The following TRERF1 variants were observed in gnomAD, a reference collection of about 807,000 sequenced individuals.
TRERF1 encodes the protein transcriptional regulating factor 1, also known as transcriptional-regulating factor 1.
Under a neutral mutation model 122.9 loss-of-function variants are expected in TRERF1, and 27 were observed. The ratio of observed to expected loss-of-function variants is 0.22; its 90% CI spans 0.16 to 0.30. The LOEUF is 0.30. TRERF1 is among the 10% of genes least tolerant of loss of function. TRERF1 has a pLI of 1.00. For missense variants in TRERF1, 1,248 were observed against 1,560.3 expected, an observed-to-expected ratio of 0.80 and a Z score of 3.37; for synonymous variants, 636 against 641.7, an observed-to-expected ratio of 0.99 and a Z score of 0.13.
intron 3 of TRERF1, among the ~76,000 whole-genome samples, chr6:42,346,616 T>C (rs1768342233): frequency 6.6e-6 from 1 of 152,000 alleles, no homozygotes; most frequent in South Asian, 2.1e-4. Flanking sequence ...GTCAAGGACA[T>C]TGCAAAGGGA....
rs1299650929 is a variant in TRERF1 at position 42,269,183 on chromosome 6, G to C, written c.408C>G (p.Thr136=). ...AGTCCAGCTTGTGTAAGACACCGCT[G>C]GTAAGCTTCTGGGTCCGGATCTCGC... Residue 136 remains threonine, a synonymous_variant, in exon 5 of 18, where the codon ACC becomes ACG. Coordinates refer to ENST00000372922, the Ensembl canonical transcript of TRERF1. The surrounding 1 kb of genome is among the most constrained non-coding windows in gnomAD (Gnocchi z 4.9). 6.2e-7 allele frequency: 1 copy of C among 1,614,226 alleles called. No homozygotes were observed. The highest frequency in any genetic ancestry group is 8.5e-7 in the Non-Finnish European group (1 of 1,180,046).
intron 2 of TRERF1, among the ~76,000 whole-genome samples, chr6:42,377,388 C>T (rs1342841668): frequency 6.6e-6 from 1 of 152,124 alleles, no homozygotes; most frequent in Non-Finnish European, 1.5e-5. Context: ...TTGCCCATTC[C>T]GGACATTTCC....
At position 42,263,295 on chromosome 6, in the gene TRERF1, GT is replaced by G; in HGVS notation, c.1884+24del. 6.3e-7 allele frequency: 1 copy of G among 1,599,774 alleles called. No individual in the cohort carries two copies. The highest frequency in any genetic ancestry group is 8.5e-7 in the Non-Finnish European group (1 of 1,172,308). Reference sequence around the variant, plus strand: ...CGGGGGGCAGCCCCTTGGGGTGAGTGTGGGGGAGAGAGGGTCATCCTCACGA... The same window carrying G: ...CGGGGGGCAGCCCCTTGGGGTGAGTGGGGGGAGAGAGGGTCATCCTCACGA... On this transcript the variant is annotated intron_variant, in intron 8 of 17. Coordinates refer to ENST00000372922, the Ensembl canonical transcript of TRERF1. This position sits in a 1 kb window ranked among gnomAD's most constrained non-coding sequence, Gnocchi z 5.6.
At chr6:42,378,256 A>G (rs1388956083) in intron 2 of TRERF1, among the ~76,000 whole-genome samples, 1 of 152,110 alleles carries the variant, frequency 6.6e-6, no homozygotes, top group Non-Finnish European at 1.5e-5. Flanking sequence ...GCCTCCCCAA[A>G]ACAGCCAGAC....
At chr6:42,437,630 G>A (rs2151741161) in intron 2 of TRERF1, among the ~76,000 whole-genome samples, 1 of 152,252 alleles carries the variant, frequency 6.6e-6, no homozygotes, top group Middle Eastern at 3.4e-3. Context: ...GGAAACTCAA[G>A]TCATGCTGTC....
At position 42,399,684 on chromosome 6, in the gene TRERF1, T is replaced by G. The variant is rs150111029; in HGVS notation, c.-453-36605A>C. The stretch of plus-strand genomic sequence containing the variant: ...AGTCTGTTCCAGGCCTAATGCTGAT[T>G]TGAAGTAACCAGAACTTGACCATGG... On this transcript the variant is annotated intron_variant, in intron 2 of 17. Coordinates refer to ENST00000372922, the Ensembl canonical transcript of TRERF1. Among the ~76,000 whole-genome samples the G allele has an allele frequency of 7.7e-3, 1,170 of 152,250 alleles. 7 individuals carry two copies. Among genetic ancestry groups the G allele is most frequent in the Middle Eastern group, 0.02 (6 of 294 alleles).
intron 2 of TRERF1, among the ~76,000 whole-genome samples, chr6:42,388,000 G>T (rs971419255): frequency 1.3e-5 from 2 of 152,008 alleles, no homozygotes; most frequent in African/African-American, 4.8e-5. Flanking sequence ...TAAAGACAGG[G>T]TCTCACTTTG....
At chr6:42,230,385 T>C (rs113645281) in intron 17 of TRERF1, among the ~76,000 whole-genome samples, 1,999 of 152,196 alleles carry the variant, frequency 0.013, 51 homozygotes, top group African/African-American at 0.045. Context: ...TAATAGATGC[T>C]ACTGAGACAT....
chr6:42,445,863 C>A (rs1038285150), intron 2 of TRERF1, among the ~76,000 whole-genome samples: 1 of 152,142 alleles, frequency 6.6e-6, no homozygotes, highest in African/African-American at 2.4e-5. Flanking sequence ...CTTCTTAAAA[C>A]GTGAATTAGG....
chr6:42,449,781 C>G (rs1406211259), intron 2 of TRERF1, among the ~76,000 whole-genome samples: 1 of 152,158 alleles, frequency 6.6e-6, no homozygotes, highest in Admixed American at 6.5e-5. Context: ...AAATATCAAC[C>G]CTCAATCTGG....
chr6:42,313,421 A>ATC (rs755692024), intron 3 of TRERF1, among the ~76,000 whole-genome samples: 10 of 151,980 alleles, frequency 6.6e-5, no homozygotes, highest in Middle Eastern at 3.4e-3. Context: ...GCTAAGCCTC[A>ATC]TCTCTCTCTC....
At chr6:42,444,970 C>T (rs934807949) in intron 2 of TRERF1, among the ~76,000 whole-genome samples, 17 of 152,138 alleles carry the variant, frequency 1.1e-4, no homozygotes, top group African/African-American at 3.6e-4. Flanking sequence ...CAGACAGATT[C>T]CATTTTGCCA....
chr6:42,232,532 C>CA lies in TRERF1; in HGVS notation c.3278+148dup. The stretch of plus-strand genomic sequence containing the variant: ...ATATTCTGAGTCTGCAACAGGACTA[C>CA]ATACCCATCCCAAAGATGACACGAA... On this transcript the variant is annotated intron_variant, in intron 17 of 17. Coordinates refer to ENST00000372922, the Ensembl canonical transcript of TRERF1. This position sits in a 1 kb window ranked among gnomAD's most constrained non-coding sequence, Gnocchi z 4.5. 9.9e-7 allele frequency: 1 copy of CA among 1,010,402 alleles called. No individual in the cohort carries two copies. Among genetic ancestry groups the CA allele is most frequent in the East Asian group, 2.7e-5 (1 of 37,428 alleles). The allele number at this position is 1,010,402 out of a possible 1,614,324, so 62.6% of individuals were successfully genotyped here. A position where few individuals can be genotyped will look rare whatever the true frequency, so the allele number is the denominator to read the frequency against.
intron 4 of TRERF1, 28 bp downstream of exon 4, chr6:42,300,610 C>T (rs1269536736): frequency 1.3e-5 from 2 of 152,632 alleles, no homozygotes; most frequent in Non-Finnish European, 2.9e-5. Context: ...AATTCCTCAG[C>T]CTTCCAGAAG....
intron 3 of TRERF1, among the ~76,000 whole-genome samples, chr6:42,320,060 C>T (rs1272157854): frequency 6.6e-6 from 1 of 151,814 alleles, no homozygotes; most frequent in Non-Finnish European, 1.5e-5. Context: ...CATCACTATG[C>T]CCAGCTAATT....
intron 3 of TRERF1, among the ~76,000 whole-genome samples, chr6:42,330,677 T>C (rs1357301489): frequency 6.6e-6 from 1 of 152,200 alleles, no homozygotes; most frequent in African/African-American, 2.4e-5. Flanking sequence ...TTGTATTTTT[T>C]ATTTTTTTGA....
chr6:42,278,567 T>C (rs560286021), intron 4 of TRERF1, among the ~76,000 whole-genome samples: 32 of 152,246 alleles, frequency 2.1e-4, no homozygotes, highest in African/African-American at 7.7e-4. Flanking sequence ...GAGTGGGGCA[T>C]GCCAGGGATG....
intron 16 of TRERF1, among the ~76,000 whole-genome samples, chr6:42,235,633 C>CT (rs926667518): frequency 6.6e-6 from 1 of 152,024 alleles, no homozygotes. Flanking sequence ...TTTAGTAAAT[C>CT]TTTTTTTTCT....
intron 8 of TRERF1, among the ~76,000 whole-genome samples, chr6:42,262,047 C>A (rs1242950766): frequency 6.6e-6 from 1 of 151,982 alleles, no homozygotes; most frequent in Non-Finnish European, 1.5e-5. Context: ...GAGAGTTCCC[C>A]AAGGGAACTA....
Sources: allele counts gnomAD v4.1 joint callset (sites outside exome capture counted in the v4.1 genomes callset), GRCh38; gene constraint gnomAD v4.1.1; non-coding constraint Gnocchi (gnomAD v3.1); transcripts MANE v1.5; gene names NCBI Gene and HGNC (gene_info 2026-07-23, HGNC 2026-07-21).